CARD14: variants seen among roughly 807,000 people sequenced by gnomAD.
CARD14 encodes the protein caspase recruitment domain family member 14, also known as caspase recruitment domain-containing protein 14.
Under a neutral mutation model 111.5 loss-of-function variants are expected in CARD14, and 107 were observed. The observed-to-expected ratio is 0.96, with a 90% CI of 0.82 to 1.13. The LOEUF (loss-of-function observed/expected upper bound fraction) is 1.13, where lower values mean the gene tolerates loss of function less well. CARD14 is among the 50% of genes most tolerant of loss of function. The pLI is 0.00. For missense variants in CARD14, 1,322 were observed against 1,362.3 expected (o/e 0.97, Z 0.47); for synonymous variants, 617 against 579.6 (o/e 1.06, Z -0.93).
At position 80,191,403 on chromosome 17, in the gene CARD14, C is replaced by T. The variant is rs74951924; in HGVS notation, c.1170C>T (p.Phe390=). 68,439 of 1,613,730 alleles carry T rather than the reference C, an allele frequency of 0.042. 1,633 individuals carry two copies. Among genetic ancestry groups the T allele is most frequent in the Non-Finnish European group, 0.047 (56,008 of 1,179,962 alleles). ...VEKDSLRRQV[F]ELTDQVCELR... is the part of the protein sequence containing the mutation. ...AGGACTCCCTCCGCAGGCAGGTGTTCGAGCTGACGGACCAGGTCTGCGAGC... is the reference window on the plus strand; with the variant it reads ...AGGACTCCCTCCGCAGGCAGGTGTTTGAGCTGACGGACCAGGTCTGCGAGC... The change falls in exon 11 of 24, where the codon TTC becomes TTT. Residue 390 remains phenylalanine (F), a synonymous_variant. Transcript: ENST00000648509.
At chr17:80,192,292 C>A (rs970244265) in intron 11 of CARD14, 2 of 512,496 alleles carry the variant, frequency 3.9e-6, no homozygotes, top group Non-Finnish European at 7.0e-6. Flanking sequence ...TGCTGTGTGT[C>A]CAGCTGGTTT....
chr17:80,202,038 C>T (rs1260430535), intron 17 of CARD14, 142 bp from the exon 18 acceptor site: 4 of 1,206,558 alleles, frequency 3.3e-6, no homozygotes, highest in Non-Finnish European at 4.7e-6. Flanking sequence ...CAGCTGGAAA[C>T]CTCCCACCCA....
chr17:80,203,047 C>T lies in CARD14; in HGVS notation c.2219+627C>T, dbSNP rs935806320. 5.9e-5 allele frequency: 9 copies of T among 152,658 alleles called. No homozygotes were observed. Among genetic ancestry groups the T allele is most frequent in the African/African-American group, 1.2e-4 (5 of 41,432 alleles). The allele number at this position is 152,658 out of a possible 1,614,324, so 9.5% of individuals were successfully genotyped here. A position where few individuals can be genotyped will look rare whatever the true frequency, so the allele number is the denominator to read the frequency against. ...CTTTGGGAGGCCGAGGCGGGTGGATCATCTGAGGTCAGGAGTTCGAGACCA... is the reference window on the plus strand; with the variant it reads ...CTTTGGGAGGCCGAGGCGGGTGGATTATCTGAGGTCAGGAGTTCGAGACCA... On this transcript the variant is annotated intron_variant, in intron 18 of 23. Transcript: ENST00000648509. This position sits in a 1 kb window ranked among gnomAD's most constrained non-coding sequence, Gnocchi z 4.6.
intron 2 of CARD14, among the ~76,000 whole-genome samples, chr17:80,176,238 C>T (rs2040023478): frequency 6.6e-6 from 1 of 150,492 alleles, no homozygotes; most frequent in African/African-American, 2.4e-5. Context: ...GAGACCAGCC[C>T]AGGCAACATA....
chr17:80,206,712 A>C (rs1442501430), intron 22 of CARD14: 1 of 200,858 alleles, frequency 5.0e-6, no homozygotes, highest in Non-Finnish European at 1.0e-5. Context: ...GCTTGCAGTG[A>C]GCCGAGATCG....
chr17:80,182,893 TTCC>T lies in CARD14; in HGVS notation c.349+104_349+106del. On this transcript the variant is annotated intron_variant, in intron 6 of 23. Transcript: ENST00000648509. This position sits in a 1 kb window ranked among gnomAD's most constrained non-coding sequence, Gnocchi z 4.7. ...ACTTGCCGATTTGCCCTACTCCCCC[TTCC>T]CTCCAGGCTGCAGTTCCTGTCCCAG... The T allele has an allele frequency of 7.3e-7, 1 of 1,363,334 alleles. No homozygotes were observed. Among genetic ancestry groups the T allele is most frequent in the Non-Finnish European group, 1.0e-6 (1 of 978,506 alleles). The allele number at this position is 1,363,334 out of a possible 1,614,324, so 84.5% of individuals were successfully genotyped here. A position where few individuals can be genotyped will look rare whatever the true frequency, so the allele number is the denominator to read the frequency against.
chr17:80,208,144 C>CGTAG lies in CARD14; in HGVS notation c.2814_2815insGTAG (p.Leu939ValfsTer36). 6.5e-7 allele frequency: 1 copy of CGTAG among 1,541,582 alleles called. No homozygotes were observed. The highest frequency in any genetic ancestry group is 8.8e-7 in the Non-Finnish European group (1 of 1,141,782). On this transcript the variant is annotated frameshift_variant, in exon 24 of 24. Coordinates refer to ENST00000648509, the MANE Select transcript of CARD14 (RefSeq NM_001366385.1). LOFTEE classifies it low-confidence loss of function (END_TRUNC). ...CCAACTCTGGCCTGTGCAGGAAGGG[C>CGTAG]CTACAGCGGTTGGGCACCTCAGAGG...
Position 80,184,047 on chromosome 17 carries a change from C to T in CARD14, c.484C>T (p.Leu162=), listed in dbSNP as rs1180184443. Residue 162 remains leucine, a synonymous_variant, in exon 7 of 24, where the codon CTG becomes TTG. Transcript: ENST00000648509. ...RCQQLQEHLG[L]AETRAEGLHQ... ...CCAGCAGCTGCAGGAGCACCTGGGC[C>T]TGGCCGAGACCCGTGCCGAGGGCCT... 2 of 1,587,696 alleles carry T rather than the reference C, an allele frequency of 1.3e-6. No individual in the cohort carries two copies. Among genetic ancestry groups the T allele is most frequent in the East Asian group, 2.3e-5 (1 of 43,852 alleles).
Position 80,198,971 on chromosome 17 carries a change from CAG to C in CARD14, c.1851+381_1851+382del. ...TTTTTTTTTGTTTGTTGTTTTGAAACAGGGTCTCACTCTGTCACCCAGGCTAG... is the reference window on the plus strand; with the variant it reads ...TTTTTTTTTGTTTGTTGTTTTGAAACGGTCTCACTCTGTCACCCAGGCTAG... On this transcript the variant is annotated intron_variant, in intron 16 of 23. Coordinates refer to ENST00000648509, the MANE Select transcript of CARD14 (RefSeq NM_001366385.1). The surrounding 1 kb of genome is among the most constrained non-coding windows in gnomAD (Gnocchi z 7.5). 9.6e-7 allele frequency: 1 copy of C among 1,040,990 alleles called. No individual in the cohort carries two copies. The highest frequency in any genetic ancestry group is 3.1e-5 in the South Asian group (1 of 32,148). 64.5% of individuals were successfully genotyped at this position (1,040,990 alleles called of 1,614,324 possible).
At chr17:80,208,090 G>A (rs2041441941) in intron 23 of CARD14, 48 bp from the exon 24 acceptor site, 1 of 1,401,366 alleles carries the variant, frequency 7.1e-7, no homozygotes, top group South Asian at 1.5e-5. Context: ...GGGCTCCTGG[G>A]CCCTTGCTCT....
Position 80,188,753 on chromosome 17 carries a change from C to A in CARD14, c.843+209C>A. ...TTGGCAGAATTAAAAGCTGCTGGAA[C>A]AGAATTAAAAGCTGGAACTGGGCAC... On this transcript the variant is annotated intron_variant, in intron 8 of 23. Coordinates refer to ENST00000648509, the MANE Select transcript of CARD14 (RefSeq NM_001366385.1). The surrounding 1 kb of genome is among the most constrained non-coding windows in gnomAD (Gnocchi z 4.5). The A allele has an allele frequency of 2.4e-6, 1 of 421,644 alleles. No individual in the cohort carries two copies. 26.1% of individuals were successfully genotyped at this position (421,644 alleles called of 1,614,324 possible).
intron 16 of CARD14, among the ~76,000 whole-genome samples, chr17:80,199,107 A>C (rs1476404985): frequency 6.6e-6 from 1 of 152,000 alleles, no homozygotes; most frequent in Non-Finnish European, 1.5e-5. Context: ...AGCATGCGCT[A>C]CCGTGCCCGG....
At chr17:80,173,359 T>C (rs2039954431) in intron 2 of CARD14, 131 bp downstream of exon 2, 1 of 151,256 alleles carries the variant, frequency 6.6e-6, no homozygotes, top group African/African-American at 2.5e-5. Flanking sequence ...CAGGACAGAC[T>C]GATCGGCAGA....
At chr17:80,200,132 T>G (rs2144381282) in intron 16 of CARD14, among the ~76,000 whole-genome samples, 1 of 151,720 alleles carries the variant, frequency 6.6e-6, no homozygotes, top group South Asian at 2.1e-4. Context: ...GTCCAAATGC[T>G]GAGCTCCCCT....
rs144355385 is a variant in CARD14 at position 80,202,281 on chromosome 17, G to A, written c.2080G>A (p.Glu694Lys). 1 of 1,613,948 alleles carries A rather than the reference G, an allele frequency of 6.2e-7. No homozygotes were observed. The highest frequency in any genetic ancestry group is 8.5e-7 in the Non-Finnish European group (1 of 1,180,050). The change falls in exon 18 of 24, where the codon GAG (glutamate) becomes AAG (lysine). Residue 694 changes from glutamate to lysine, a missense_variant. Transcript: ENST00000648509. ...GGCCATGGAGGGCAGGGCCAAAGGG[G>A]AGCTGCAGGTGCATTGCAACGAGGT... Reference protein sequence around the residue: ...NLAMEGRAKGELQVHCNEVLH... With the variant: ...NLAMEGRAKGKLQVHCNEVLH...
rs2040259883 is a variant in CARD14 at position 80,184,070 on chromosome 17, C to T, written c.507C>T (p.Gly169=). Residue 169 remains glycine, a synonymous_variant, in exon 7 of 24, where the codon GGC becomes GGT. Coordinates refer to ENST00000648509, the MANE Select transcript of CARD14 (RefSeq NM_001366385.1). Reference sequence around the variant, plus strand: ...GCCTGGCCGAGACCCGTGCCGAGGGCCTGCACCAGCTGGAGGCTGACCACA... The same window carrying T: ...GCCTGGCCGAGACCCGTGCCGAGGGTCTGCACCAGCTGGAGGCTGACCACA... ...HLGLAETRAE[G]LHQLEADHSR... is the part of the protein sequence containing the mutation. The T allele has an allele frequency of 1.9e-6, 3 of 1,585,554 alleles. No individual in the cohort carries two copies. The South Asian group carries it at 3.4e-5, about 18-fold the overall frequency.
Position 80,195,595 on chromosome 17 carries a change from C to T in CARD14, c.1537C>T (p.Leu513=). 6.2e-7 allele frequency: 1 copy of T among 1,613,184 alleles called. No homozygotes were observed. Among genetic ancestry groups the T allele is most frequent in the Non-Finnish European group, 8.5e-7 (1 of 1,179,900 alleles). ...LEIPEGDPGA[L]PGAKAGDPHL... is the part of the protein sequence containing the mutation. ...GATCCCGGAGGGAGACCCGGGAGCC[C>T]TGCCGGGAGCTAAGGCAGGCGACCC... The change falls in exon 14 of 24, where the codon CTG becomes TTG. Residue 513 remains leucine (L), a synonymous_variant. Coordinates refer to ENST00000648509, the MANE Select transcript of CARD14 (RefSeq NM_001366385.1). The surrounding 1 kb of genome is among the most constrained non-coding windows in gnomAD (Gnocchi z 4.7).
chr17:80,191,092 T>C (rs1458751935), intron 10 of CARD14, among the ~76,000 whole-genome samples, 193 bp downstream of exon 10: 1 of 152,212 alleles, frequency 6.6e-6, no homozygotes, highest in Admixed American at 6.5e-5. Context: ...CTATCATCCT[T>C]CTTGCTCTTA....
intron 12 of CARD14, among the ~76,000 whole-genome samples, chr17:80,193,866 C>T (rs2040615113): frequency 6.6e-6 from 1 of 152,136 alleles, no homozygotes; most frequent in Non-Finnish European, 1.5e-5. Context: ...GCCCTCTGTG[C>T]CCCCATTCCC....
Sources: allele counts gnomAD v4.1 joint callset (sites outside exome capture counted in the v4.1 genomes callset), GRCh38; gene constraint gnomAD v4.1.1; non-coding constraint Gnocchi (gnomAD v3.1); transcripts MANE v1.5; gene names NCBI Gene and HGNC (gene_info 2026-07-23, HGNC 2026-07-21).